The following SEMA3A variants were observed in gnomAD, a reference collection of about 807,000 sequenced individuals.
SEMA3A encodes semaphorin-3A.
In SEMA3A, 29 loss-of-function variants were observed where a neutral mutation model predicts 97.9. The observed-to-expected ratio is 0.30, with a 90% CI of 0.22 to 0.40. SEMA3A has a LOEUF of 0.40. SEMA3A is among the 10% of genes least tolerant of loss of function. The pLI is 1.00. For missense variants in SEMA3A, 763 were observed against 951.3 expected, an observed-to-expected ratio of 0.80 and a Z score of 2.60; for synonymous variants, 321 against 323.7, an observed-to-expected ratio of 0.99 and a Z score of 0.09.
intron 4 of SEMA3A, among the ~76,000 whole-genome samples, chr7:84,069,878 A>C (rs1793676189): frequency 6.6e-6 from 1 of 152,168 alleles, no homozygotes; most frequent in African/African-American, 2.4e-5. Context: ...GTGTGAAGGT[A>C]TTGAATTATC....
At chr7:84,341,995 G>A (rs116481247) in intron 2 of SEMA3A, among the ~76,000 whole-genome samples, 1 of 151,684 alleles carries the variant, frequency 6.6e-6, no homozygotes, top group African/African-American at 2.4e-5. Flanking sequence ...ACTCAGTGAA[G>A]CCTTTCCTAA....
chr7:84,003,004 T>A (rs569649894), intron 11 of SEMA3A, among the ~76,000 whole-genome samples: 2 of 152,244 alleles, frequency 1.3e-5, no homozygotes, highest in East Asian at 3.9e-4. Context: ...AACCTTCTAG[T>A]TCTGACTAAA....
At chr7:84,063,180 G>T (rs879563064) in intron 4 of SEMA3A, among the ~76,000 whole-genome samples, 24 of 151,738 alleles carry the variant, frequency 1.6e-4, no homozygotes, top group Non-Finnish European at 3.2e-4. Flanking sequence ...ACATGGCAGG[G>T]TATTCCAACA....
chr7:84,374,855 G>T (rs13235879), intron 1 of SEMA3A, among the ~76,000 whole-genome samples: 1 of 152,014 alleles, frequency 6.6e-6, no homozygotes, highest in African/African-American at 2.4e-5. Context: ...AACTGTGCTT[G>T]TGAGATGTAT....
intron 2 of SEMA3A, among the ~76,000 whole-genome samples, chr7:84,324,589 T>C (rs1801729063): frequency 6.6e-6 from 1 of 152,196 alleles, no homozygotes; most frequent in Non-Finnish European, 1.5e-5. Flanking sequence ...TTGGCAATCA[T>C]ATTTTATTAA....
At position 84,200,408 on chromosome 7, in the gene SEMA3A, C is replaced by T. The variant is rs138705539; in HGVS notation, c.-82-5740G>A. Among the ~76,000 whole-genome samples, 651 of 152,058 alleles carry T rather than the reference C, an allele frequency of 4.3e-3. 6 individuals carry two copies. The highest frequency in any genetic ancestry group is 0.015 in the African/African-American group (604 of 41,508). Reference sequence around the variant, plus strand: ...GTCTTCTAGCGGTAAACTGTCTTTTCCCTGAGAGTTTGAGTAATGGAGCCA... The same window carrying T: ...GTCTTCTAGCGGTAAACTGTCTTTTTCCTGAGAGTTTGAGTAATGGAGCCA... On this transcript the variant is annotated intron_variant, in intron 3 of 3. Coordinates refer to the SEMA3A transcript ENST00000424555.
intron 1 of SEMA3A, among the ~76,000 whole-genome samples, chr7:84,167,453 C>A (rs1282849954): frequency 6.6e-6 from 1 of 152,126 alleles, no homozygotes. Flanking sequence ...GTAGTAGAAA[C>A]ATTTTGTTAT....
chr7:84,042,164 C>T (rs957490540), intron 6 of SEMA3A, among the ~76,000 whole-genome samples: 2 of 152,080 alleles, frequency 1.3e-5, no homozygotes, highest in East Asian at 3.9e-4. Flanking sequence ...TATCCTAGTA[C>T]ATGACCACAG....
chr7:84,384,766 A>T (rs1227534075), intron 1 of SEMA3A, among the ~76,000 whole-genome samples: 1 of 152,208 alleles, frequency 6.6e-6, no homozygotes, highest in Non-Finnish European at 1.5e-5. Context: ...ATTCTTGAGT[A>T]CGACTAGTTC....
intron 3 of SEMA3A, among the ~76,000 whole-genome samples, chr7:84,226,289 G>A (rs1475743115): frequency 6.6e-6 from 1 of 151,850 alleles, no homozygotes; most frequent in Non-Finnish European, 1.5e-5. Context: ...ATTTTGCCAT[G>A]GACTCCCCTA....
chr7:84,235,721 G>T (rs926816722), intron 3 of SEMA3A, among the ~76,000 whole-genome samples: 1 of 151,988 alleles, frequency 6.6e-6, no homozygotes, highest in Non-Finnish European at 1.5e-5. Flanking sequence ...AATTATCAAT[G>T]AGCTTATTAT....
At chr7:83,988,394 T>C (rs548031404) in intron 12 of SEMA3A, among the ~76,000 whole-genome samples, 2 of 151,982 alleles carry the variant, frequency 1.3e-5, no homozygotes, top group African/African-American at 4.8e-5. Context: ...GACTGGCTAA[T>C]TTTTTTGTAT....
chr7:84,000,621 G>A (rs767941487), intron 12 of SEMA3A, among the ~76,000 whole-genome samples: 1 of 152,042 alleles, frequency 6.6e-6, no homozygotes, highest in Non-Finnish European at 1.5e-5. Context: ...TGATGGTGGA[G>A]CTCAGAGGGA....
At chr7:84,010,084 T>C (rs989560907) in intron 9 of SEMA3A, among the ~76,000 whole-genome samples, 1 of 152,024 alleles carries the variant, frequency 6.6e-6, no homozygotes, top group Non-Finnish European at 1.5e-5. Context: ...TTTATGTCTT[T>C]TTACATGATT....
chr7:84,184,179 T>C (rs1377896608), intron 1 of SEMA3A, among the ~76,000 whole-genome samples: 2 of 152,140 alleles, frequency 1.3e-5, no homozygotes, highest in East Asian at 3.9e-4. Context: ...TTCACAGGCG[T>C]CAGAACGTTT....
chr7:84,308,118 A>T (rs1321065698), intron 2 of SEMA3A, among the ~76,000 whole-genome samples: 4 of 152,084 alleles, frequency 2.6e-5, no homozygotes, highest in Non-Finnish European at 5.9e-5. Flanking sequence ...ACAGGTTCTA[A>T]AGTAGTATTT....
At chr7:84,153,176 C>G (rs1403396694) in intron 1 of SEMA3A, among the ~76,000 whole-genome samples, 1 of 152,106 alleles carries the variant, frequency 6.6e-6, no homozygotes, top group Non-Finnish European at 1.5e-5. Flanking sequence ...CATTAGCTGT[C>G]AAGAACCAGT....
chr7:84,345,255 C>T lies in SEMA3A; in HGVS notation c.-169+26569G>A, dbSNP rs942524526. On this transcript the variant is annotated intron_variant, in intron 2 of 3. Transcript: ENST00000424555. ...AAAAATATTGTATTATTTAAAAATG[C>T]TAGCAATCATTTGAGCCTTAAGTGA... Among the ~76,000 whole-genome samples, 29 of 152,260 alleles carry T rather than the reference C, an allele frequency of 1.9e-4. 1 individual carries two copies. The highest frequency in any genetic ancestry group is 7.4e-5 in the Non-Finnish European group (5 of 68,018).
At position 83,956,094 on chromosome 7, in the gene SEMA3A, A is replaced by G. The variant is rs567202787; in HGVS notation, c.*5277T>C. ...TTTTTTGGTTTGTTTGTTTAAAATAATAGGAGTCTGCCTATCAACTACATG... is the reference window on the plus strand; with the variant it reads ...TTTTTTGGTTTGTTTGTTTAAAATAGTAGGAGTCTGCCTATCAACTACATG... On this transcript the variant is annotated 3_prime_UTR_variant, in exon 17 of 17. Transcript: ENST00000265362. 3 of 152,320 alleles carry G rather than the reference A, an allele frequency of 2.0e-5. No homozygotes were observed. Among genetic ancestry groups the G allele is most frequent in the South Asian group, 2.1e-4 (1 of 4,832 alleles). 9.4% of individuals were successfully genotyped at this position (152,320 alleles called of 1,614,324 possible).
Sources: gnomAD v4.1 joint callset for allele counts (sites outside exome capture counted in the v4.1 genomes callset) on GRCh38, gnomAD v4.1.1 for gene constraint, MANE v1.5 for transcripts, NCBI Gene and HGNC (gene_info 2026-07-23, HGNC 2026-07-21) for gene names.